SGCD: variants seen among roughly 807,000 people sequenced by gnomAD.
The protein encoded by SGCD is sarcoglycan delta, also known as delta-sarcoglycan.
SGCD carries 18 observed loss-of-function variants against 36.6 expected under a neutral mutation model. The ratio of observed to expected loss-of-function variants is 0.49; its 90% CI spans 0.34 to 0.73. SGCD has a LOEUF of 0.73. Among genes scored for constraint, SGCD ranks in the 30% least tolerant of loss-of-function variants. The pLI, the probability that SGCD is intolerant of heterozygous loss-of-function variation, is 0.01. For missense variants in SGCD, 387 were observed against 346.7 expected, an observed-to-expected ratio of 1.12 and a Z score of -0.92; for synonymous variants, 133 against 130.6, an observed-to-expected ratio of 1.02 and a Z score of -0.12.
intron 3 of SGCD, among the ~76,000 whole-genome samples, chr5:156,241,345 C>T (rs1269685908): frequency 6.6e-6 from 1 of 151,474 alleles, no homozygotes; most frequent in Non-Finnish European, 1.5e-5. Context: ...AATAGTCATT[C>T]AGAAAATTGA....
At chr5:155,901,606 G>T (rs1756391914) in intron 1 of SGCD, among the ~76,000 whole-genome samples, 1 of 151,928 alleles carries the variant, frequency 6.6e-6, no homozygotes, top group Admixed American at 6.6e-5. Flanking sequence ...CACTAAGTCT[G>T]GTGCTCTTTT....
At chr5:155,945,033 T>C (rs1757410162) in intron 1 of SGCD, among the ~76,000 whole-genome samples, 1 of 152,156 alleles carries the variant, frequency 6.6e-6, no homozygotes, top group Admixed American at 6.5e-5. Flanking sequence ...TGATTTTAGG[T>C]ACCAAAAATA....
rs146686596 is a variant in SGCD, at chr5:156,706,932, TACTG to T, written c.576-50645_576-50642del. Among the ~76,000 whole-genome samples, 760 of 152,290 alleles carry T rather than the reference TACTG, an allele frequency of 5.0e-3. 10 individuals carry two copies. The highest frequency in any genetic ancestry group is 0.018 in the African/African-American group (734 of 41,576). On this transcript the variant is annotated intron_variant, in intron 7 of 8. Coordinates refer to ENST00000337851, the MANE Select transcript of SGCD (RefSeq NM_000337.6). The stretch of plus-strand genomic sequence containing the variant: ...TGCAAAAGCCAAGAACTTGAAGTCT[TACTG>T]ACTTCATCCTTCTGTCATTTCTTAC...
chr5:156,523,169 C>T (rs1013587576), intron 4 of SGCD, among the ~76,000 whole-genome samples: 1 of 152,036 alleles, frequency 6.6e-6, no homozygotes. Flanking sequence ...CAAATTATAC[C>T]CAGCTAAATT....
chr5:156,415,575 G>A (rs1017287336), intron 3 of SGCD, among the ~76,000 whole-genome samples: 1 of 152,162 alleles, frequency 6.6e-6, no homozygotes, highest in Admixed American at 6.5e-5. Context: ...GTCTTGACAC[G>A]AAATGAGTGG....
intron 3 of SGCD, among the ~76,000 whole-genome samples, chr5:156,292,571 A>C (rs1338031159): frequency 6.6e-6 from 1 of 152,092 alleles, no homozygotes; most frequent in Admixed American, 6.6e-5. Flanking sequence ...TGGTGTATTA[A>C]TATCTCTTCA....
At chr5:156,529,927 C>G (rs1315286510) in intron 4 of SGCD, among the ~76,000 whole-genome samples, 3 of 152,086 alleles carry the variant, frequency 2.0e-5, no homozygotes, top group Non-Finnish European at 4.4e-5. Context: ...TAGGCAAATA[C>G]CAAATGGTCT....
At position 156,760,245 on chromosome 5, in the gene SGCD, C is replaced by T. The variant is rs1757475551; in HGVS notation, c.*855C>T. 6.6e-6 allele frequency: 1 copy of T among 152,154 alleles called. No homozygotes were observed. Among genetic ancestry groups the T allele is most frequent in the Admixed American group, 6.5e-5 (1 of 15,270 alleles). The allele number at this position is 152,154 out of a possible 1,614,324, so 9.4% of individuals were successfully genotyped here. A position where few individuals can be genotyped will look rare whatever the true frequency, so the allele number is the denominator to read the frequency against. ...ATGTCTCTGTTTAAGGGAAAAATGG[C>T]TTAAAAGCTGTTCTGTTCTCACTTC... On this transcript the variant is annotated 3_prime_UTR_variant, in exon 9 of 9. Coordinates refer to ENST00000337851, the MANE Select transcript of SGCD (RefSeq NM_000337.6).
At chr5:155,979,714 G>A (rs970809390) in intron 1 of SGCD, among the ~76,000 whole-genome samples, 4 of 152,168 alleles carry the variant, frequency 2.6e-5, no homozygotes, top group African/African-American at 9.7e-5. Context: ...TCTCAGAGAA[G>A]GTTGACAGCT....
the SGCD span, among the ~76,000 whole-genome samples, chr5:155,768,587 A>T: frequency 4.6e-5 from 7 of 152,126 alleles, no homozygotes; most frequent in African/African-American, 1.4e-4. Flanking sequence ...CAGAAATGTT[A>T]GACTGTGTTA....
At chr5:155,738,509 C>G in the SGCD span, among the ~76,000 whole-genome samples, 3 of 152,108 alleles carry the variant, frequency 2.0e-5, no homozygotes, top group African/African-American at 7.2e-5. Context: ...ATTGAGCTGC[C>G]TCATTATTTT....
intron 3 of SGCD, among the ~76,000 whole-genome samples, chr5:156,371,401 A>G (rs73812207): frequency 0.025 from 3,868 of 152,304 alleles, 159 homozygotes; most frequent in African/African-American, 0.088. Context: ...AATTCCTTTC[A>G]TGATACTTGT....
Position 156,344,590 on chromosome 5 carries a change from G to A in SGCD, c.105G>A (p.Leu35=). Residue 35 remains leucine, a synonymous_variant, in exon 3 of 9, where the codon CTG becomes CTA. Transcript: ENST00000337851. ...TTTATGGCTGGCGGAAACGATGCCT[G>A]TATTTCTTTGTCCTGCTCCTCATGA... ...VGIYGWRKRC[L]YFFVLLLMIL... is the part of the protein sequence containing the mutation. The A allele has an allele frequency of 1.9e-6, 3 of 1,612,480 alleles. No individual in the cohort carries two copies. Among genetic ancestry groups the A allele is most frequent in the South Asian group, 1.1e-5 (1 of 90,692 alleles).
At chr5:155,993,150 C>A (rs1032275497) in intron 1 of SGCD, among the ~76,000 whole-genome samples, 5 of 152,070 alleles carry the variant, frequency 3.3e-5, no homozygotes, top group African/African-American at 1.2e-4. Context: ...GGCTCTTGCT[C>A]CCATTTTCCC....
chr5:156,345,915 G>A (rs1420034276), intron 3 of SGCD, among the ~76,000 whole-genome samples: 2 of 151,910 alleles, frequency 1.3e-5, no homozygotes, highest in East Asian at 3.9e-4. Flanking sequence ...TCTGCTTGGA[G>A]TGCTTTTCTC....
chr5:156,097,313 CCTT>C (rs1369691483), intron 1 of SGCD, among the ~76,000 whole-genome samples: 1 of 152,116 alleles, frequency 6.6e-6, no homozygotes, highest in Admixed American at 6.5e-5. Context: ...TTTCCCCTCT[CCTT>C]CTAGGAGTTC....
intron 4 of SGCD, among the ~76,000 whole-genome samples, chr5:156,550,409 C>T (rs186742037): frequency 1.3e-5 from 2 of 152,308 alleles, no homozygotes; most frequent in South Asian, 2.1e-4. Flanking sequence ...GACACTTCTG[C>T]GATAAGCTGT....
At chr5:156,027,404 G>A (rs1020096995) in intron 1 of SGCD, among the ~76,000 whole-genome samples, 1 of 152,138 alleles carries the variant, frequency 6.6e-6, no homozygotes. Flanking sequence ...CCTATGTGGG[G>A]ACAAACAAAA....
chr5:156,646,133 C>CA (rs906513608), intron 6 of SGCD, among the ~76,000 whole-genome samples: 2 of 152,124 alleles, frequency 1.3e-5, no homozygotes, highest in African/African-American at 4.8e-5. Context: ...TATGGACCCC[C>CA]ACTGGCCAAA....
Sources: allele counts gnomAD v4.1 joint callset (sites outside exome capture counted in the v4.1 genomes callset), GRCh38; gene constraint gnomAD v4.1.1; transcripts MANE v1.5; gene names NCBI Gene and HGNC (gene_info 2026-07-23, HGNC 2026-07-21).